FXYD5: variants seen among roughly 807,000 people sequenced by gnomAD.
FXYD5 encodes FXYD domain containing ion transport regulator 5.
FXYD5 carries 21 observed loss-of-function variants against 25.7 expected under a neutral mutation model. That is an observed-to-expected ratio of 0.82 (90% CI 0.58 to 1.18). FXYD5 has a LOEUF of 1.18. Ranked by LOEUF, FXYD5 falls within the 50% of genes most tolerant of loss-of-function variation. The probability of loss-of-function intolerance (pLI) is 0.00; values close to 1 mark genes in which losing one functional copy is unlikely to be tolerated. For synonymous variants in FXYD5, 101 were observed against 90.7 expected, an observed-to-expected ratio of 1.11 and a Z score of -0.64; for missense variants, 229 against 227.7, an observed-to-expected ratio of 1.01 and a Z score of -0.04.
chr19:35,157,972 G>A (rs747770150), intron 3 of FXYD5, among the ~76,000 whole-genome samples: 4 of 152,228 alleles, frequency 2.6e-5, no homozygotes, highest in Non-Finnish European at 5.9e-5. Flanking sequence ...GCTGAATAAA[G>A]TGGACCAAGA....
Position 35,157,407 on chromosome 19 carries a change from C to T in FXYD5, c.62-14C>T. ...ACCAGGCTCCCTCCTGACTTCTCATCCTTGATTCCCCAGGACAGACGTTGA... is the reference window on the plus strand; with the variant it reads ...ACCAGGCTCCCTCCTGACTTCTCATTCTTGATTCCCCAGGACAGACGTTGA... On this transcript the variant is annotated splice_polypyrimidine_tract_variant and intron_variant, in intron 2 of 8. Coordinates refer to ENST00000392219, the MANE Select transcript of FXYD5 (RefSeq NM_014164.6). 1 of 1,501,282 alleles carries T rather than the reference C, an allele frequency of 6.7e-7. No individual in the cohort carries two copies. The highest frequency in any genetic ancestry group is 9.3e-7 in the Non-Finnish European group (1 of 1,078,216). The allele number at this position is 1,501,282 out of a possible 1,614,324, so 93.0% of individuals were successfully genotyped here. A position where few individuals can be genotyped will look rare whatever the true frequency, so the allele number is the denominator to read the frequency against.
At chr19:35,165,586 C>T (rs1028685164) in intron 6 of FXYD5, among the ~76,000 whole-genome samples, 5 of 151,974 alleles carry the variant, frequency 3.3e-5, no homozygotes, top group African/African-American at 9.7e-5. Flanking sequence ...ACCTGTATCT[C>T]GTGCCGACCT....
chr19:35,165,957 G>C (rs1022518922), intron 6 of FXYD5, among the ~76,000 whole-genome samples, 185 bp from the exon 7 acceptor site: 4 of 152,172 alleles, frequency 2.6e-5, no homozygotes, highest in African/African-American at 9.7e-5. Flanking sequence ...GGAGTGCAGG[G>C]AGTGAGGGGG....
intron 4 of FXYD5, among the ~76,000 whole-genome samples, chr19:35,158,858 G>A (rs147779114): frequency 1.3e-4 from 20 of 151,996 alleles, no homozygotes; most frequent in Non-Finnish European, 2.6e-4. Context: ...CAGGCACAGT[G>A]GCTCATGCCT....
chr19:35,166,482 AT>A, intron 8 of FXYD5, 157 bp downstream of exon 8: 1 of 566,854 alleles, frequency 1.8e-6, no homozygotes. Flanking sequence ...GTGGTTTAAA[AT>A]AATGACCATT....
At chr19:35,165,334 G>A (rs911200402) in intron 6 of FXYD5, among the ~76,000 whole-genome samples, 1 of 152,210 alleles carries the variant, frequency 6.6e-6, no homozygotes, top group African/African-American at 2.4e-5. Flanking sequence ...AAAGGGGTGG[G>A]CAATTCCCAG....
chr19:35,164,285 C>G (rs1403877460), intron 6 of FXYD5, 40 bp downstream of exon 6: 8 of 1,572,334 alleles, frequency 5.1e-6, no homozygotes, highest in Non-Finnish European at 6.9e-6. Context: ...AGGCTATTTT[C>G]TGTTCACTGT....
rs78245972 is a variant in FXYD5, at chr19:35,169,538, G to A, written c.488-28G>A. The A allele has an allele frequency of 1.4e-3, 2,172 of 1,560,064 alleles. 4 individuals carry two copies. The highest frequency in any genetic ancestry group is 2.8e-3 in the Admixed American group (165 of 59,960). ...ATAAGAATCAATATCACTCTAGCTCGTGACTGAATCATTTCCTTCACCCAC... is the reference window on the plus strand; with the variant it reads ...ATAAGAATCAATATCACTCTAGCTCATGACTGAATCATTTCCTTCACCCAC... On this transcript the variant is annotated intron_variant, in intron 8 of 8. Transcript: ENST00000392219.
chr19:35,164,241 A>G lies in FXYD5; in HGVS notation c.378A>G (p.Pro126=). 2.5e-6 allele frequency: 4 copies of G among 1,610,844 alleles called. No individual in the cohort carries two copies. Among genetic ancestry groups the G allele is most frequent in the Middle Eastern group, 1.7e-4 (1 of 6,026 alleles). The change falls in exon 6 of 9, where the codon CCA becomes CCG. Residue 126 remains proline (P), a synonymous_variant. Coordinates refer to ENST00000392219, the MANE Select transcript of FXYD5 (RefSeq NM_014164.6). ...AGACAGACCCCCAGACCCTCAAGCCATCTGGTTAGTAACTGCCTCCCCAGA... is the reference window on the plus strand; with the variant it reads ...AGACAGACCCCCAGACCCTCAAGCCGTCTGGTTAGTAACTGCCTCCCCAGA... The part of the protein sequence containing the change: ...DVQTDPQTLK[P]SGFHEDDPFF...
At chr19:35,159,162 C>T (rs1447564933) in intron 4 of FXYD5, among the ~76,000 whole-genome samples, 1 of 151,512 alleles carries the variant, frequency 6.6e-6, no homozygotes, top group East Asian at 1.9e-4. Context: ...TTTTTTCAAT[C>T]GATGTTTAAA....
chr19:35,168,977 C>A (rs922322462), intron 8 of FXYD5, among the ~76,000 whole-genome samples: 1 of 151,648 alleles, frequency 6.6e-6, no homozygotes, highest in Non-Finnish European at 1.5e-5. Flanking sequence ...GCGGGAGAAT[C>A]GCTTGAATCC....
At chr19:35,166,633 C>T (rs1452154872) in intron 8 of FXYD5, 8 of 441,164 alleles carry the variant, frequency 1.8e-5, no homozygotes, top group Admixed American at 3.9e-5. Flanking sequence ...TGCCTTGGCT[C>T]TTTGCCACAT....
chr19:35,159,582 TC>T, intron 4 of FXYD5: 2 of 1,550,638 alleles, frequency 1.3e-6, no homozygotes, highest in Non-Finnish European at 1.7e-6. Flanking sequence ...TCCAGCTTTT[TC>T]TGTCTACACA....
intron 8 of FXYD5, among the ~76,000 whole-genome samples, chr19:35,168,922 G>A (rs534949683): frequency 6.6e-5 from 10 of 152,070 alleles, no homozygotes; most frequent in Non-Finnish European, 1.5e-4. Context: ...AATTAGCTGG[G>A]CTTGGTGGCA....
chr19:35,159,637 C>G, intron 4 of FXYD5: 1 of 1,549,650 alleles, frequency 6.5e-7, no homozygotes, highest in Non-Finnish European at 8.7e-7. Context: ...CTTGAGCAAA[C>G]GCACTTGGAA....
chr19:35,165,718 C>CA (rs2065444461), intron 6 of FXYD5, among the ~76,000 whole-genome samples: 1 of 152,108 alleles, frequency 6.6e-6, no homozygotes, highest in Non-Finnish European at 1.5e-5. Context: ...GACATGACAT[C>CA]AAAAAGTGTC....
chr19:35,161,183 G>A (rs1253345291), intron 5 of FXYD5, among the ~76,000 whole-genome samples: 2 of 120,424 alleles, frequency 1.7e-5, no homozygotes, highest in Admixed American at 9.3e-5. Flanking sequence ...TGTTAGAGCA[G>A]GAGCTTTTCA....
chr19:35,161,586 T>C (rs1600505657), intron 5 of FXYD5, among the ~76,000 whole-genome samples: 1 of 152,210 alleles, frequency 6.6e-6, no homozygotes, highest in African/African-American at 2.4e-5. Flanking sequence ...GGCCTGAGTC[T>C]TGTGCCCCAC....
intron 3 of FXYD5, 150 bp from the exon 4 acceptor site, chr19:35,158,194 G>A (rs112296792): frequency 3.1e-6 from 2 of 648,248 alleles, no homozygotes; most frequent in Admixed American, 2.2e-5. Context: ...ACACATTTCG[G>A]CAGTTAGCAA....
Sources: allele counts gnomAD v4.1 joint callset (sites outside exome capture counted in the v4.1 genomes callset), GRCh38; gene constraint gnomAD v4.1.1; transcripts MANE v1.5; gene names NCBI Gene and HGNC (gene_info 2026-07-23, HGNC 2026-07-21).